Variants in CDH18 observed in about 807,000 individuals in gnomAD.
CDH18 encodes cadherin 18, also known as cadherin-18.
A neutral mutation model predicts 67.9 loss-of-function variants in CDH18; 31 were observed. That is an observed-to-expected ratio of 0.46 (90% CI 0.34 to 0.62). The LOEUF is 0.62. CDH18 is among the 20% of genes least tolerant of loss of function. CDH18 has a pLI of 0.01. For missense variants in CDH18, 890 were observed against 975.5 expected (o/e 0.91, Z 1.17); for synonymous variants, 362 against 347.2 (o/e 1.04, Z -0.48).
At chr5:19,767,476 C>G (rs935798498) in intron 3 of CDH18, among the ~76,000 whole-genome samples, 1 of 151,980 alleles carries the variant, frequency 6.6e-6, no homozygotes, top group African/African-American at 2.4e-5. Flanking sequence ...ACAATATTTA[C>G]TCCAAATATA....
intron 1 of CDH18, among the ~76,000 whole-genome samples, chr5:20,477,381 G>A (rs1581074431): frequency 6.6e-6 from 1 of 152,160 alleles, no homozygotes; most frequent in African/African-American, 2.4e-5. Flanking sequence ...AAGGAAGGGG[G>A]AACTGAAAAC....
At chr5:19,951,381 C>A (rs1393438863) in intron 2 of CDH18, among the ~76,000 whole-genome samples, 1 of 152,046 alleles carries the variant, frequency 6.6e-6, no homozygotes, top group Admixed American at 6.6e-5. Flanking sequence ...ATCTAACAAG[C>A]TTTAGTATTT....
At chr5:19,754,671 T>C (rs1357560997) in intron 3 of CDH18, among the ~76,000 whole-genome samples, 1 of 152,140 alleles carries the variant, frequency 6.6e-6, no homozygotes, top group African/African-American at 2.4e-5. Flanking sequence ...ACTTAACAGA[T>C]AAATGCAGAA....
intron 2 of CDH18, among the ~76,000 whole-genome samples, chr5:20,100,763 T>G (rs1746389752): frequency 6.6e-6 from 1 of 152,252 alleles, no homozygotes; most frequent in South Asian, 2.1e-4. Flanking sequence ...CTCTTCATGG[T>G]TTCTTTGCAA....
chr5:19,943,090 T>A (rs1794978117), intron 2 of CDH18, among the ~76,000 whole-genome samples: 1 of 152,130 alleles, frequency 6.6e-6, no homozygotes, highest in Non-Finnish European at 1.5e-5. Context: ...CATAATATAA[T>A]AATTCCCAAA....
chr5:20,420,248 G>A (rs1747758584), intron 1 of CDH18, among the ~76,000 whole-genome samples: 1 of 151,178 alleles, frequency 6.6e-6, no homozygotes, highest in African/African-American at 2.5e-5. Flanking sequence ...TGCACGAAAC[G>A]TGGTTCACAG....
At chr5:20,036,325 A>C (rs1739857437) in intron 2 of CDH18, among the ~76,000 whole-genome samples, 1 of 151,956 alleles carries the variant, frequency 6.6e-6, no homozygotes, top group Non-Finnish European at 1.5e-5. Context: ...GATTGTGAGG[A>C]TTTTATAGAC....
intron 4 of CDH18, among the ~76,000 whole-genome samples, chr5:19,736,158 T>C (rs1768294081): frequency 6.6e-6 from 1 of 152,174 alleles, no homozygotes; most frequent in South Asian, 2.1e-4. Context: ...AATCCACTAA[T>C]AAAGAACACT....
intron 1 of CDH18, among the ~76,000 whole-genome samples, chr5:20,571,167 T>C (rs1438665082): frequency 3.3e-5 from 5 of 152,160 alleles, no homozygotes; most frequent in East Asian, 1.9e-4. Context: ...AAATATTACA[T>C]GACAGTGACA....
At chr5:19,956,843 G>C (rs1029303390) in intron 2 of CDH18, among the ~76,000 whole-genome samples, 1 of 151,776 alleles carries the variant, frequency 6.6e-6, no homozygotes, top group Non-Finnish European at 1.5e-5. Flanking sequence ...AACATTTTCA[G>C]TTGTCATGCA....
At chr5:19,908,312 T>A (rs749597385) in intron 2 of CDH18, among the ~76,000 whole-genome samples, 1 of 152,100 alleles carries the variant, frequency 6.6e-6, no homozygotes, top group Non-Finnish European at 1.5e-5. Context: ...TTCTTATTTA[T>A]ATACAGAAAT....
chr5:19,546,953 T>A (rs1313263295), intron 8 of CDH18, among the ~76,000 whole-genome samples: 1 of 152,080 alleles, frequency 6.6e-6, no homozygotes, highest in Non-Finnish European at 1.5e-5. Flanking sequence ...AAAAAAGAAA[T>A]TTAAACAAGA....
intron 1 of CDH18, among the ~76,000 whole-genome samples, chr5:20,564,056 A>C (rs77354596): frequency 0.025 from 3,807 of 152,086 alleles, 166 homozygotes; most frequent in African/African-American, 0.087. Context: ...AAACCATCAA[A>C]GACTTATTCA....
At chr5:19,905,517 T>C (rs1399321715) in intron 2 of CDH18, among the ~76,000 whole-genome samples, 2 of 151,942 alleles carry the variant, frequency 1.3e-5, no homozygotes, top group Admixed American at 6.6e-5. Context: ...TTTATATGTA[T>C]ACGTATGATT....
intron 1 of CDH18, among the ~76,000 whole-genome samples, chr5:20,317,086 C>T (rs1372277030): frequency 6.6e-6 from 1 of 151,952 alleles, no homozygotes; most frequent in Non-Finnish European, 1.5e-5. Context: ...AATTGTTAAT[C>T]TACCATTTTT....
chr5:19,900,479 A>G (rs1474190595), intron 2 of CDH18, among the ~76,000 whole-genome samples: 2 of 152,214 alleles, frequency 1.3e-5, no homozygotes, highest in Non-Finnish European at 2.9e-5. Flanking sequence ...TGATTCGATC[A>G]TTGCACAATG....
chr5:19,902,425 GC>G lies in CDH18; in HGVS notation c.-256-63184del, dbSNP rs147249554. Among the ~76,000 whole-genome samples the G allele has an allele frequency of 5.8e-3, 879 of 152,186 alleles. 12 individuals carry two copies. Among genetic ancestry groups the G allele is most frequent in the African/African-American group, 0.02 (834 of 41,518 alleles). On this transcript the variant is annotated intron_variant, in intron 2 of 12. Coordinates refer to ENST00000382275, the MANE Select transcript of CDH18 (RefSeq NM_004934.5). ...TGGCTTATTCCCAGGAAAGCCAGCT[GC>G]CCTTGTGGAAGTGGCCTTACAGAGG...
intron 1 of CDH18, among the ~76,000 whole-genome samples, chr5:20,357,923 A>T (rs13186576): frequency 0.17 from 24,469 of 147,072 alleles, 2,118 homozygotes; most frequent in Non-Finnish European, 0.18. Context: ...GTGCAGGATT[A>T]AAAAAAAAAA....
At chr5:20,414,181 C>G (rs938731238) in intron 1 of CDH18, among the ~76,000 whole-genome samples, 1 of 152,156 alleles carries the variant, frequency 6.6e-6, no homozygotes, top group Non-Finnish European at 1.5e-5. Flanking sequence ...ACTCAGCAAT[C>G]TGATTACTGG....
Sources: allele counts gnomAD v4.1 joint callset (sites outside exome capture counted in the v4.1 genomes callset), GRCh38; gene constraint gnomAD v4.1.1; transcripts MANE v1.5; gene names NCBI Gene and HGNC (gene_info 2026-07-23, HGNC 2026-07-21).